Variants in PLCB1 observed in about 807,000 individuals in gnomAD.
PLCB1 encodes the protein 1-phosphatidylinositol 4,5-bisphosphate phosphodiesterase beta-1.
PLCB1 carries 46 observed loss-of-function variants against 161.8 expected under a neutral mutation model. The observed-to-expected ratio is 0.28, with a 90% CI of 0.22 to 0.36. The LOEUF (loss-of-function observed/expected upper bound fraction) is 0.36, where lower values mean the gene tolerates loss of function less well. PLCB1 is among the 10% of genes least tolerant of loss of function. PLCB1 has a pLI of 1.00. For synonymous variants in PLCB1, 517 were observed against 503.7 expected (o/e 1.03, Z -0.35); for missense variants, 1,016 against 1,472.5 (o/e 0.69, Z 5.07).
intron 2 of PLCB1, among the ~76,000 whole-genome samples, chr20:8,224,281 G>A (rs1245951380): frequency 2.0e-5 from 3 of 152,062 alleles, no homozygotes; most frequent in Non-Finnish European, 2.9e-5. Flanking sequence ...AAAAATGATC[G>A]TATCTATCTT....
intron 9 of PLCB1, among the ~76,000 whole-genome samples, chr20:8,681,688 GC>G (rs1184093344): frequency 7.9e-5 from 12 of 152,044 alleles, no homozygotes; most frequent in Non-Finnish European, 1.8e-4. Flanking sequence ...GAAGATACTT[GC>G]ATTTATTGCC....
chr20:8,533,440 C>T (rs1368139263), intron 3 of PLCB1, among the ~76,000 whole-genome samples: 4 of 152,028 alleles, frequency 2.6e-5, no homozygotes, highest in Non-Finnish European at 4.4e-5. Context: ...AATCGCCACA[C>T]TGACTTCCAC....
intron 3 of PLCB1, among the ~76,000 whole-genome samples, chr20:8,474,328 G>T (rs1460536708): frequency 2.6e-5 from 4 of 152,172 alleles, no homozygotes; most frequent in African/African-American, 9.7e-5. Context: ...TGCGGGAGTG[G>T]CATGGACTGG....
chr20:8,534,426 A>G (rs1196258211), intron 3 of PLCB1, among the ~76,000 whole-genome samples: 1 of 152,062 alleles, frequency 6.6e-6, no homozygotes, highest in Non-Finnish European at 1.5e-5. Flanking sequence ...CCACTACAAA[A>G]CCTGTCCTCA....
At chr20:8,538,876 C>T (rs1056414430) in intron 3 of PLCB1, among the ~76,000 whole-genome samples, 5 of 151,428 alleles carry the variant, frequency 3.3e-5, no homozygotes, top group African/African-American at 1.2e-4. Flanking sequence ...TCACTGCAAC[C>T]TCTGCCTCCC....
intron 3 of PLCB1, among the ~76,000 whole-genome samples, chr20:8,571,704 G>A (rs1026268023): frequency 6.6e-6 from 1 of 152,146 alleles, no homozygotes; most frequent in Non-Finnish European, 1.5e-5. Context: ...ATGGAATAAA[G>A]GCTAACTCAA....
chr20:8,168,750 CTT>C (rs536734444), intron 2 of PLCB1, among the ~76,000 whole-genome samples: 1 of 141,420 alleles, frequency 7.1e-6, no homozygotes. Context: ...CTGATGTAGT[CTT>C]TTTTTTTTTT....
At chr20:8,421,814 AG>A (rs1328994334) in intron 3 of PLCB1, among the ~76,000 whole-genome samples, 1 of 152,200 alleles carries the variant, frequency 6.6e-6, no homozygotes, top group African/African-American at 2.4e-5. Flanking sequence ...TCTCAGGTCC[AG>A]TCTTATATCT....
intron 3 of PLCB1, among the ~76,000 whole-genome samples, chr20:8,490,569 G>A (rs1982902415): frequency 6.6e-6 from 1 of 152,180 alleles, no homozygotes; most frequent in African/African-American, 2.4e-5. Flanking sequence ...GTGGTTCTAT[G>A]ATTTCACTGT....
chr20:8,147,820 T>C (rs761001153), intron 1 of PLCB1, among the ~76,000 whole-genome samples: 12 of 151,458 alleles, frequency 7.9e-5, no homozygotes, highest in Non-Finnish European at 1.6e-4. Flanking sequence ...TGGAAGTATC[T>C]GAAACAAACT....
rs1402964687 is a variant in PLCB1, at chr20:8,790,253, A to G, written c.3415A>G (p.Lys1139Glu). ...AATACGTCAGCAGATCCTGGATGAA[A>G]AGCCCAAGGTAAACGGAACTGAATT... ...KEIRQQILDE[K>E]PKLQVELEQE... Residue 1139 changes from lysine (K) to glutamate (E), a missense_variant, in exon 31 of 32, where the codon AAG (lysine) becomes GAG (glutamate). This residue lies in a region of PLCB1 where 398 missense variants were observed against 445.4 expected (regional missense o/e 0.89). Transcript: ENST00000338037. 2 of 1,609,504 alleles carry G rather than the reference A, an allele frequency of 1.2e-6. No homozygotes were observed. The highest frequency in any genetic ancestry group is 2.2e-5 in the East Asian group (1 of 44,630).
chr20:8,275,284 T>TGTGTGAAGC lies in PLCB1; in HGVS notation c.178-96095_178-96094insTGAAGCGTG, dbSNP rs2056249333. Among the ~76,000 whole-genome samples the TGTGTGAAGC allele has an allele frequency of 3.3e-5, 5 of 151,924 alleles. No homozygotes were observed. The South Asian group carries it at 1.0e-3, about 32-fold the overall frequency. The stretch of plus-strand genomic sequence containing the variant: ...GTGTGTGTGTGTGTGTGTGTGTGTG[T>TGTGTGAAGC]GTGAAGCGGCACATGGTCAGGCTTC... On this transcript the variant is annotated intron_variant, in intron 2 of 31. Transcript: ENST00000338037.
intron 3 of PLCB1, among the ~76,000 whole-genome samples, chr20:8,444,619 G>T (rs1025267030): frequency 6.6e-6 from 1 of 152,208 alleles, no homozygotes; most frequent in African/African-American, 2.4e-5. Flanking sequence ...TTGAGGAATA[G>T]CCACACTGTC....
At chr20:8,604,082 G>T (rs1425584109) in intron 3 of PLCB1, among the ~76,000 whole-genome samples, 1 of 151,920 alleles carries the variant, frequency 6.6e-6, no homozygotes, top group Non-Finnish European at 1.5e-5. Context: ...GCGAAACTCT[G>T]TCTCTATTGA....
chr20:8,180,318 G>T (rs1015387795), intron 2 of PLCB1, among the ~76,000 whole-genome samples: 1 of 152,120 alleles, frequency 6.6e-6, no homozygotes, highest in Non-Finnish European at 1.5e-5. Context: ...TGATCATGGT[G>T]GATTAGCTTT....
chr20:8,514,676 A>G (rs2122862102), intron 3 of PLCB1, among the ~76,000 whole-genome samples: 1 of 152,256 alleles, frequency 6.6e-6, no homozygotes, highest in South Asian at 2.1e-4. Flanking sequence ...CTCTTTTAGT[A>G]CTTTTTCTAC....
At chr20:8,435,632 A>C (rs1431176414) in intron 3 of PLCB1, among the ~76,000 whole-genome samples, 1 of 152,166 alleles carries the variant, frequency 6.6e-6, no homozygotes, top group Non-Finnish European at 1.5e-5. Flanking sequence ...CCTCAGTCAC[A>C]GAGCTCAAGA....
intron 31 of PLCB1, among the ~76,000 whole-genome samples, chr20:8,811,971 G>T (rs1984843653): frequency 6.6e-6 from 1 of 152,222 alleles, no homozygotes; most frequent in Admixed American, 6.5e-5. Context: ...TCCAGGAGAG[G>T]AAAGAATGGG....
chr20:8,173,936 A>G (rs1056461427), intron 2 of PLCB1, among the ~76,000 whole-genome samples: 23 of 152,210 alleles, frequency 1.5e-4, no homozygotes, highest in Non-Finnish European at 3.2e-4. Context: ...GGCAGAATGT[A>G]CTCAATCTGA....
Sources: gnomAD v4.1 joint callset for allele counts (sites outside exome capture counted in the v4.1 genomes callset) on GRCh38, gnomAD v4.1.1 for gene constraint, gnomAD v4.1.1 regional missense constraint, MANE v1.5 for transcripts, NCBI Gene and HGNC (gene_info 2026-07-23, HGNC 2026-07-21) for gene names.